CUL3: variants seen among roughly 807,000 people sequenced by gnomAD.
CUL3 encodes the protein cullin-3.
CUL3 carries 19 observed loss-of-function variants against 89.1 expected under a neutral mutation model. That is an observed-to-expected ratio of 0.21 (90% CI 0.15 to 0.31). The LOEUF is 0.31. Among genes scored for constraint, CUL3 ranks in the 10% least tolerant of loss-of-function variants. The probability of loss-of-function intolerance (pLI) is 1.00; values close to 1 mark genes in which losing one functional copy is unlikely to be tolerated. For synonymous variants in CUL3, 351 were observed against 308.4 expected (o/e 1.14, Z -1.45); for missense variants, 469 against 942.3 (o/e 0.50, Z 6.58).
chr2:224,573,037 AATT>A (rs1234937571), intron 1 of CUL3, among the ~76,000 whole-genome samples: 1 of 152,194 alleles, frequency 6.6e-6, no homozygotes, highest in Non-Finnish European at 1.5e-5. Flanking sequence ...AGAGCACACA[AATT>A]ATTATTTGGC....
At chr2:224,499,613 C>A in intron 11 of CUL3, 2 of 207,708 alleles carry the variant, frequency 9.6e-6, no homozygotes, top group Non-Finnish European at 1.1e-5. Context: ...AACTAATCTA[C>A]ACCATGCTGA....
intron 1 of CUL3, among the ~76,000 whole-genome samples, chr2:224,579,251 A>G (rs2106326782): frequency 6.6e-6 from 1 of 152,308 alleles, no homozygotes; most frequent in South Asian, 2.1e-4. Context: ...TTTAAGTATA[A>G]GTAACACTTT....
rs937695025 is a variant in CUL3, at chr2:224,568,856, C to T, written c.67-11000G>A. 3.3e-5 allele frequency among the ~76,000 whole-genome samples: 5 copies of T among 152,214 alleles called. No homozygotes were observed. In the East Asian group the frequency reaches 5.8e-4, roughly 18 times the overall value. On this transcript the variant is annotated intron_variant, in intron 1 of 15. Transcript: ENST00000264414. ...GTGCAGATTAATACATACACATGAT[C>T]GGGTCTTGGCATCAAATGCACGTCA... is the stretch of plus-strand genomic sequence containing the variant.
intron 13 of CUL3, chr2:224,494,882 T>G (rs1197455265): frequency 2.0e-5 from 3 of 152,088 alleles, no homozygotes; most frequent in Admixed American, 6.5e-5. Context: ...AGCAAAGTGA[T>G]TAACTGGACT....
chr2:224,511,001 A>G (rs1412430865), intron 6 of CUL3, among the ~76,000 whole-genome samples: 2 of 152,326 alleles, frequency 1.3e-5, no homozygotes, highest in Admixed American at 6.5e-5. Flanking sequence ...CAAAACCCCA[A>G]GAGAGTATGT....
At chr2:224,568,056 T>C (rs981005120) in intron 1 of CUL3, among the ~76,000 whole-genome samples, 2 of 152,136 alleles carry the variant, frequency 1.3e-5, no homozygotes, top group African/African-American at 4.8e-5. Context: ...ATGTCTTTTT[T>C]CCCCCCTGCT....
chr2:224,476,870 CCTCTAATACTACT>C lies in CUL3; in HGVS notation c.2175+1317_2175+1329del, dbSNP rs1691341680. 3.9e-5 allele frequency among the ~76,000 whole-genome samples: 6 copies of C among 152,218 alleles called. No individual in the cohort carries two copies. In the South Asian group the frequency reaches 1.2e-3, roughly 32 times the overall value. On this transcript the variant is annotated intron_variant, in intron 15 of 15. Transcript: ENST00000264414. ...CAAACCCTTCAACTCTACACTGAATCCTCTAATACTACTCTCTCTGCCCTTTCCCTTGAGCCAG... is the reference window on the plus strand; with the variant it reads ...CAAACCCTTCAACTCTACACTGAATCCTCTCTGCCCTTTCCCTTGAGCCAG...
intron 3 of CUL3, among the ~76,000 whole-genome samples, chr2:224,524,331 G>A (rs564041997): frequency 6.6e-6 from 1 of 152,206 alleles, no homozygotes; most frequent in South Asian, 2.1e-4. Flanking sequence ...GTTCTGAAGA[G>A]GAGAGAAACA....
intron 1 of CUL3, among the ~76,000 whole-genome samples, chr2:224,570,334 A>T: frequency 6.6e-6 from 1 of 152,224 alleles, no homozygotes; most frequent in East Asian, 1.9e-4. Flanking sequence ...GCCCAGTGGG[A>T]CACATTCAAA....
rs567828378 is a variant in CUL3, at chr2:224,491,744, G to T, written c.1842+4088C>A. Among the ~76,000 whole-genome samples the T allele has an allele frequency of 9.9e-5, 15 of 152,214 alleles. No individual in the cohort carries two copies. In the South Asian group the frequency reaches 3.1e-3, roughly 32 times the overall value. Reference sequence around the variant, plus strand: ...CATTAAGGGCAATCCATTCTAAGGTGGCGATGAGTCCCCCACTTTTATAAG... The same window carrying T: ...CATTAAGGGCAATCCATTCTAAGGTTGCGATGAGTCCCCCACTTTTATAAG... On this transcript the variant is annotated intron_variant, in intron 13 of 15. Transcript: ENST00000264414.
At chr2:224,520,792 T>C (rs1301224013) in intron 3 of CUL3, among the ~76,000 whole-genome samples, 3 of 152,204 alleles carry the variant, frequency 2.0e-5, no homozygotes, top group Non-Finnish European at 4.4e-5. Flanking sequence ...CCACAGATAT[T>C]ACTACTTCCA....
intron 3 of CUL3, among the ~76,000 whole-genome samples, chr2:224,529,915 T>C (rs1220723312): frequency 6.6e-6 from 1 of 152,150 alleles, no homozygotes; most frequent in African/African-American, 2.4e-5. Flanking sequence ...ATGCATAACA[T>C]TTTAGACACA....
intron 15 of CUL3, 117 bp from the exon 16 acceptor site, chr2:224,474,493 A>C (rs979558333): frequency 5.0e-6 from 4 of 793,932 alleles, no homozygotes; most frequent in Admixed American, 5.9e-5. Flanking sequence ...GGATTACCAA[A>C]GATAAAAGCA....
At chr2:224,513,372 A>C in intron 5 of CUL3, 152 bp downstream of exon 5, 1 of 578,402 alleles carries the variant, frequency 1.7e-6, no homozygotes, top group Non-Finnish European at 3.0e-6. Flanking sequence ...AATGGTCAGA[A>C]TGTGAGGTAG....
At chr2:224,515,322 C>A (rs1310667905) in intron 3 of CUL3, among the ~76,000 whole-genome samples, 1 of 152,152 alleles carries the variant, frequency 6.6e-6, no homozygotes, top group Non-Finnish European at 1.5e-5. Context: ...AAGTTCTTAC[C>A]AACATGATTA....
rs12999489 is a variant in CUL3, at chr2:224,496,268, T to C, written c.1708-302A>G. Among the ~76,000 whole-genome samples the C allele has an allele frequency of 0.18, 27,951 of 152,084 alleles. 2,873 individuals are homozygous for C. Among genetic ancestry groups the C allele is most frequent in the South Asian group, 0.27 (1,297 of 4,810 alleles). On this transcript the variant is annotated intron_variant, in intron 12 of 15. Coordinates refer to ENST00000264414, the MANE Select transcript of CUL3 (RefSeq NM_003590.5). ...CTGGTCTCAAACTAATGGGCTCCAGTGATTTGCCCGCATAGGCTCACAAAA... is the reference window on the plus strand; with the variant it reads ...CTGGTCTCAAACTAATGGGCTCCAGCGATTTGCCCGCATAGGCTCACAAAA...
At chr2:224,492,499 AAATATGTATT>A (rs1375051123) in intron 13 of CUL3, among the ~76,000 whole-genome samples, 3 of 152,220 alleles carry the variant, frequency 2.0e-5, no homozygotes, top group Non-Finnish European at 2.9e-5. Context: ...ACATTAACAA[AAATATGTATT>A]AATAGTTCTT....
In CUL3 at chr2:224,474,053, T is replaced by C. The variant is rs779809602; in HGVS notation, c.*192A>G. 5 of 485,998 alleles carry C rather than the reference T, an allele frequency of 1.0e-5. No individual in the cohort carries two copies. The highest frequency in any genetic ancestry group is 1.9e-5 in the African/African-American group (1 of 52,116). The allele number at this position is 485,998 out of a possible 1,614,324, so 30.1% of individuals were successfully genotyped here. A position where few individuals can be genotyped will look rare whatever the true frequency, so the allele number is the denominator to read the frequency against. On this transcript the variant is annotated 3_prime_UTR_variant, in exon 16 of 16. Transcript: ENST00000264414. Reference sequence around the variant, plus strand: ...AAGATGATCTCTACAGGGATAAACGTTGTAAAGCCTGAAGCTCAATCAACT... The same window carrying C: ...AAGATGATCTCTACAGGGATAAACGCTGTAAAGCCTGAAGCTCAATCAACT...
chr2:224,512,468 G>C (rs781141066), intron 5 of CUL3, among the ~76,000 whole-genome samples: 6 of 152,194 alleles, frequency 3.9e-5, no homozygotes, highest in Admixed American at 2.0e-4. Context: ...TGCTCAGGTA[G>C]TTACGGTTTT....
Sources: allele counts gnomAD v4.1 joint callset (sites outside exome capture counted in the v4.1 genomes callset), GRCh38; gene constraint gnomAD v4.1.1; transcripts MANE v1.5; gene names NCBI Gene and HGNC (gene_info 2026-07-23, HGNC 2026-07-21).